The following CREB3L3 variants were observed in gnomAD, a reference collection of about 807,000 sequenced individuals.
The protein encoded by CREB3L3 is cAMP responsive element binding protein 3 like 3, also known as cyclic AMP-responsive element-binding protein 3-like protein 3.
CREB3L3 carries 40 observed loss-of-function variants against 44.6 expected under a neutral mutation model. The ratio of observed to expected loss-of-function variants is 0.90; its 90% CI spans 0.70 to 1.17. The LOEUF is 1.17. Among genes scored for constraint, CREB3L3 ranks in the 50% most tolerant of loss-of-function variants. The probability of loss-of-function intolerance (pLI) is 0.00; values close to 1 mark genes in which losing one functional copy is unlikely to be tolerated. For synonymous variants in CREB3L3, 273 were observed against 256.3 expected, an observed-to-expected ratio of 1.06 and a Z score of -0.62; for missense variants, 578 against 595.8, an observed-to-expected ratio of 0.97 and a Z score of 0.31.
At chr19:4,158,778 C>T (rs958512855) in intron 3 of CREB3L3, among the ~76,000 whole-genome samples, 2 of 140,514 alleles carry the variant, frequency 1.4e-5, no homozygotes, top group African/African-American at 5.5e-5. Context: ...TCCAGCCTGG[C>T]GACAGAGCGA....
intron 6 of CREB3L3, 44 bp downstream of exon 6, chr19:4,168,501 G>C: frequency 6.8e-7 from 1 of 1,461,902 alleles, no homozygotes; most frequent in Non-Finnish European, 9.4e-7. Context: ...GGAGGAAACT[G>C]AGGCCCAGAG....
At chr19:4,165,198 G>A (rs554825543) in intron 5 of CREB3L3, among the ~76,000 whole-genome samples, 3 of 150,894 alleles carry the variant, frequency 2.0e-5, no homozygotes, top group Non-Finnish European at 4.4e-5. Context: ...TGGAGATAGG[G>A]TCTTGCTGTG....
chr19:4,154,076 TA>T (rs772812921), intron 1 of CREB3L3, among the ~76,000 whole-genome samples: 79 of 152,202 alleles, frequency 5.2e-4, no homozygotes, highest in Admixed American at 1.5e-3. Flanking sequence ...ATTTTATTTT[TA>T]TTTTTATTTT....
rs2041701727 is a variant in CREB3L3, at chr19:4,164,555, G to T, written c.629G>T (p.Cys210Phe). 6.2e-7 allele frequency: 1 copy of T among 1,613,990 alleles called. No homozygotes were observed. The highest frequency in any genetic ancestry group is 1.1e-5 in the South Asian group (1 of 91,090). ...CTCCTGCGACCTGGGGCTGGGCACT[G>T]TCAGGAGCTGGTGCTCACCGAGGAT... ...SYLLRPGAGHCQELVLTEDEK... is the reference protein window; with the variant it reads ...SYLLRPGAGHFQELVLTEDEK... The change falls in exon 5 of 10, where the codon TGT (cysteine) becomes TTT (phenylalanine). Residue 210 changes from cysteine to phenylalanine, a missense_variant. By Grantham distance (205) the Cys-to-Phe change is radical. Transcript: ENST00000078445.
intron 3 of CREB3L3, among the ~76,000 whole-genome samples, 190 bp downstream of exon 3, chr19:4,157,485 G>A (rs987981162): frequency 6.6e-6 from 1 of 152,120 alleles, no homozygotes; most frequent in Non-Finnish European, 1.5e-5. Context: ...TCACGTGGAT[G>A]CTATTGGGAG....
chr19:4,159,551 A>T, intron 3 of CREB3L3, 113 bp from the exon 4 acceptor site: 1 of 746,138 alleles, frequency 1.3e-6, no homozygotes, highest in Non-Finnish European at 2.5e-6. Flanking sequence ...AAGTCATATG[A>T]ATGTTGGGAT....
chr19:4,154,809 C>CG, intron 1 of CREB3L3, 90 bp from the exon 2 acceptor site: 1 of 1,594,680 alleles, frequency 6.3e-7, no homozygotes, highest in South Asian at 1.1e-5. Context: ...CAACTGAACT[C>CG]TAGCCGGAAA....
At chr19:4,156,263 C>T (rs2041575281) in intron 2 of CREB3L3, among the ~76,000 whole-genome samples, 2 of 151,524 alleles carry the variant, frequency 1.3e-5, no homozygotes, top group African/African-American at 4.9e-5. Context: ...TCTTGGCATA[C>T]CGCAACCCCC....
chr19:4,171,186 G>A lies in CREB3L3; in HGVS notation c.975+11G>A, dbSNP rs770685337. 1.2e-6 allele frequency: 2 copies of A among 1,612,948 alleles called. No individual in the cohort carries two copies. The highest frequency in any genetic ancestry group is 1.7e-6 in the Non-Finnish European group (2 of 1,178,956). On this transcript the variant is annotated intron_variant, in intron 8 of 9. Transcript: ENST00000078445. This position sits in a 1 kb window ranked among gnomAD's most constrained non-coding sequence, Gnocchi z 4.9. ...GGCACCTGTGTCGCAGTGAGTCCTGGTGCCCCCAGGCAAGCCGGGGACCTA... is the reference window on the plus strand; with the variant it reads ...GGCACCTGTGTCGCAGTGAGTCCTGATGCCCCCAGGCAAGCCGGGGACCTA...
chr19:4,171,529 G>A lies in CREB3L3; in HGVS notation c.1072+50G>A, dbSNP rs367674343. On this transcript the variant is annotated intron_variant, in intron 9 of 9. Coordinates refer to ENST00000078445, the MANE Select transcript of CREB3L3 (RefSeq NM_032607.3). This position sits in a 1 kb window ranked among gnomAD's most constrained non-coding sequence, Gnocchi z 4.9. ...CCTTGTCTGGTCTCCCCAAGTCCCC[G>A]TCCTGGGCCTCTGGGGGAGGGGGAG... is the stretch of plus-strand genomic sequence containing the variant. The A allele has an allele frequency of 3.2e-5, 52 of 1,605,122 alleles. No homozygotes were observed. The Middle Eastern group carries it at 8.2e-4, about 25-fold the overall frequency.
chr19:4,170,265 G>T (rs2145143366), intron 7 of CREB3L3, 57 bp downstream of exon 7: 1 of 1,533,280 alleles, frequency 6.5e-7, no homozygotes, highest in Non-Finnish European at 9.0e-7. Context: ...GAGTCCCTTT[G>T]CAGGAAGAGC....
intron 4 of CREB3L3, among the ~76,000 whole-genome samples, chr19:4,160,858 C>A (rs934532356): frequency 3.3e-5 from 5 of 151,458 alleles, no homozygotes; most frequent in Non-Finnish European, 7.4e-5. Flanking sequence ...CTCAGCCTCC[C>A]CAGCAGCTGG....
In CREB3L3 at chr19:4,164,633, T is replaced by TCACTAAGGGG; in HGVS notation, c.714+1_714+2insGGCACTAAGG. On this transcript the variant is annotated frameshift_variant, in exon 5 of 10. Transcript: ENST00000078445. LOFTEE classifies it high-confidence loss of function. ...ATCACCCTGCCCACTCAGCTGCCCC[T>TCACTAAGGGG]CACTAAGGTGAGTCTGGGGGGACTT... 6.2e-7 allele frequency: 1 copy of TCACTAAGGGG among 1,613,992 alleles called. No individual in the cohort carries two copies. Among genetic ancestry groups the TCACTAAGGGG allele is most frequent in the Non-Finnish European group, 8.5e-7 (1 of 1,179,992 alleles).
rs372862101 is a variant in CREB3L3, at chr19:4,159,743, C to T, written c.537C>T (p.Thr179=). The T allele has an allele frequency of 1.5e-5, 23 of 1,580,582 alleles. No homozygotes were observed. The highest frequency in any genetic ancestry group is 3.3e-5 in the South Asian group (3 of 90,482). ...ACCTGTCCCCACGATGCAATCTCACCGTGAAAGACCTCCTCCTTTCGGGCA... is the reference window on the plus strand; with the variant it reads ...ACCTGTCCCCACGATGCAATCTCACTGTGAAAGACCTCCTCCTTTCGGGCA... ...PVDLSPRCNL[T]VKDLLLSGSS... The change falls in exon 4 of 10, where the codon ACC becomes ACT. Residue 179 remains threonine (T), a synonymous_variant. Coordinates refer to ENST00000078445, the MANE Select transcript of CREB3L3 (RefSeq NM_032607.3).
At chr19:4,154,145 C>T (rs544641308) in intron 1 of CREB3L3, among the ~76,000 whole-genome samples, 1 of 152,276 alleles carries the variant, frequency 6.6e-6, no homozygotes, top group South Asian at 2.1e-4. Flanking sequence ...GATCTCAGCT[C>T]ACTGCAACTT....
At chr19:4,167,995 T>TTATTTATC (rs1966957046) in intron 5 of CREB3L3, among the ~76,000 whole-genome samples, 1 of 150,678 alleles carries the variant, frequency 6.6e-6, no homozygotes, top group African/African-American at 2.4e-5. Context: ...ATTTATTTAT[T>TTATTTATC]TATTTATCTA....
intron 5 of CREB3L3, among the ~76,000 whole-genome samples, chr19:4,167,188 C>A (rs1417039461): frequency 6.6e-6 from 1 of 151,904 alleles, no homozygotes; most frequent in African/African-American, 2.4e-5. Context: ...ACTAAAAATA[C>A]AAAAATTAGC....
chr19:4,170,922 TAAATAAATAAAC>T (rs1414337226), intron 7 of CREB3L3, among the ~76,000 whole-genome samples, 157 bp from the exon 8 acceptor site: 1 of 145,838 alleles, frequency 6.9e-6, no homozygotes, highest in Non-Finnish European at 1.5e-5. Context: ...AATAAATAAA[TAAATAAATAAAC>T]AAATAAATAA....
chr19:4,154,711 G>C (rs1460483156), intron 1 of CREB3L3, among the ~76,000 whole-genome samples, 188 bp from the exon 2 acceptor site: 1 of 152,106 alleles, frequency 6.6e-6, no homozygotes, highest in East Asian at 1.9e-4. Flanking sequence ...CTCACACTGT[G>C]GAATTCTCTC....
Sources: gnomAD v4.1 joint callset for allele counts (sites outside exome capture counted in the v4.1 genomes callset) on GRCh38, gnomAD v4.1.1 for gene constraint, Gnocchi (gnomAD v3.1) non-coding constraint, MANE v1.5 for transcripts, NCBI Gene and HGNC (gene_info 2026-07-23, HGNC 2026-07-21) for gene names.